The following CNP variants were observed in gnomAD, a reference collection of about 807,000 sequenced individuals.
CNP encodes the protein 2',3'-cyclic nucleotide 3' phosphodiesterase.
CNP carries 8 observed loss-of-function variants against 37.9 expected under a neutral mutation model. The ratio of observed to expected loss-of-function variants is 0.21; its 90% CI spans 0.12 to 0.38. The LOEUF (loss-of-function observed/expected upper bound fraction) is 0.38, where lower values mean the gene tolerates loss of function less well. CNP is among the 10% of genes least tolerant of loss of function. The pLI is 1.00. For synonymous variants in CNP, 237 were observed against 238.3 expected (o/e 0.99, Z 0.05); for missense variants, 457 against 551.0 (o/e 0.83, Z 1.71).
At position 41,968,465 on chromosome 17, in the gene CNP, T is replaced by C; in HGVS notation, c.401T>C (p.Leu134Pro). ...TNHERERLEQ[L>P]FEMADQYQYQ... ...CACGAACGGGAACGGCTGGAGCAGC[T>C]CTTTGAAATGGCCGACCAGTACCAG... The change falls in exon 2 of 4, where the codon CTC (leucine) becomes CCC (proline). Residue 134 changes from leucine (L) to proline (P), a missense_variant. By Grantham distance (98) the Leu-to-Pro change is moderately conservative. Around this residue, in one of 2 missense-constraint regions of CNP, gnomAD observed 166 missense variants for 259.3 expected, o/e 0.64. Coordinates refer to ENST00000393892, the MANE Select transcript of CNP (RefSeq NM_033133.5). The surrounding 1 kb of genome is among the most constrained non-coding windows in gnomAD (Gnocchi z 4.8). 1 of 1,614,094 alleles carries C rather than the reference T, an allele frequency of 6.2e-7. No homozygotes were observed. The highest frequency in any genetic ancestry group is 8.5e-7 in the Non-Finnish European group (1 of 1,180,030).
intron 2 of CNP, 188 bp from the exon 3 acceptor site, chr17:41,971,704 T>A: frequency 1.5e-6 from 1 of 678,642 alleles, no homozygotes; most frequent in Non-Finnish European, 2.4e-6. Context: ...GGCCTGAGAA[T>A]TTTAACTTTT....
Position 41,977,399 on chromosome 17 carries a change from CTG to C in CNP, c.*3476_*3477del. ...AAATGTTCGAAGAGAACTGATGACA[CTG>C]AGAACAGATCTCCAAAGCTTTCCTG... is the stretch of plus-strand genomic sequence containing the variant. On this transcript the variant is annotated 3_prime_UTR_variant, in exon 4 of 4. Coordinates refer to ENST00000393892, the MANE Select transcript of CNP (RefSeq NM_033133.5). The C allele has an allele frequency of 7.6e-7, 1 of 1,320,342 alleles. No homozygotes were observed. Among genetic ancestry groups the C allele is most frequent in the Non-Finnish European group, 1.1e-6 (1 of 939,942 alleles). The allele number at this position is 1,320,342 out of a possible 1,614,324, so 81.8% of individuals were successfully genotyped here. A position where few individuals can be genotyped will look rare whatever the true frequency, so the allele number is the denominator to read the frequency against.
At chr17:41,973,452 C>T (rs1555644141) in intron 3 of CNP, 23 bp from the exon 4 acceptor site, 5 of 1,595,886 alleles carry the variant, frequency 3.1e-6, no homozygotes, top group East Asian at 2.2e-5. Context: ...CTAGCTTGGG[C>T]CCCTCTTTCT....
In CNP at chr17:41,976,478, TA is replaced by T; in HGVS notation, c.*2556del. 1 of 473,848 alleles carries T rather than the reference TA, an allele frequency of 2.1e-6. No homozygotes were observed. Among genetic ancestry groups the T allele is most frequent in the East Asian group, 4.1e-5 (1 of 24,616 alleles). 29.4% of individuals were successfully genotyped at this position (473,848 alleles called of 1,614,324 possible). A position where few individuals can be genotyped will look rare whatever the true frequency, so the allele number is the denominator to read the frequency against. ...TTTATTCTCTTTTTTTTTTCTTTTT[TA>T]ATAAAGTTAAACAGTAAAACAAAAA... On this transcript the variant is annotated 3_prime_UTR_variant, in exon 4 of 4. Transcript: ENST00000393892.
chr17:41,967,769 A>G (rs141436398), intron 1 of CNP: 75 of 1,186,846 alleles, frequency 6.3e-5, no homozygotes, highest in Middle Eastern at 3.5e-4. Context: ...TGCCAAGCAT[A>G]TAAGAGTGAG....
At chr17:41,971,658 A>C (rs1555643821) in intron 2 of CNP, 2 of 360,110 alleles carry the variant, frequency 5.6e-6, no homozygotes, top group Non-Finnish European at 1.0e-5. Context: ...TCGGCCTCCC[A>C]GAGTGCTGGG....
chr17:41,975,929 A>C lies in CNP; in HGVS notation c.*2005A>C, dbSNP rs1447951463. 1 of 152,308 alleles carries C rather than the reference A, an allele frequency of 6.6e-6. No individual in the cohort carries two copies. Among genetic ancestry groups the C allele is most frequent in the Admixed American group, 6.5e-5 (1 of 15,272 alleles). The allele number at this position is 152,308 out of a possible 1,614,324, so 9.4% of individuals were successfully genotyped here. ...ATGCAGAAAGGGAGCAGAGAAGGCC[A>C]GGGGCTTTTGCTAAAAATAGTGGCC... is the stretch of plus-strand genomic sequence containing the variant. On this transcript the variant is annotated 3_prime_UTR_variant, in exon 4 of 4. Transcript: ENST00000393892.
In CNP at chr17:41,977,082, G is replaced by A. The variant is rs1415238195; in HGVS notation, c.*3158G>A. ...GTGGCTAAAGGTCCCAAGGCAAGGG[G>A]TGCCTGGGAACCTTCCTGTCTTCAT... On this transcript the variant is annotated 3_prime_UTR_variant, in exon 4 of 4. Transcript: ENST00000393892. 1.4e-6 allele frequency: 1 copy of A among 705,122 alleles called. No homozygotes were observed. The highest frequency in any genetic ancestry group is 2.4e-6 in the Non-Finnish European group (1 of 423,880). The allele number at this position is 705,122 out of a possible 1,614,324, so 43.7% of individuals were successfully genotyped here.
rs72820845 is a variant in CNP, at chr17:41,968,587, A to G, written c.523A>G (p.Lys175Glu). Residue 175 changes from lysine to glutamate, a missense_variant, in exon 2 of 4, where the codon AAG becomes GAG. Lys to Glu is a moderately conservative substitution (Grantham distance 56). Transcript: ENST00000393892. The surrounding 1 kb of genome is among the most constrained non-coding windows in gnomAD (Gnocchi z 4.8). ...NQWQLSADDL[K>E]KLKPGLEKDF... Reference sequence around the variant, plus strand: ...GTGGCAGCTGTCGGCTGATGACCTGAAGAAGCTGAAGCCTGGGCTGGAGAA... The same window carrying G: ...GTGGCAGCTGTCGGCTGATGACCTGGAGAAGCTGAAGCCTGGGCTGGAGAA... The G allele has an allele frequency of 1.2e-5, 19 of 1,614,068 alleles. No homozygotes were observed. The highest frequency in any genetic ancestry group is 1.7e-5 in the Admixed American group (1 of 60,010).
rs782587919 is a variant in CNP, at chr17:41,973,814, A to G, written c.1156A>G (p.Lys386Glu). 8 of 1,612,282 alleles carry G rather than the reference A, an allele frequency of 5.0e-6. No individual in the cohort carries two copies. The African/African-American group carries it at 9.3e-5, about 19-fold the overall frequency. ...GNGRWMLTLA[K>E]NMEVRAIFTG... ...TGGGCGCTGGATGCTGACCCTGGCCAAGAACATGGAGGTCAGGGCCATCTT... is the reference window on the plus strand; with the variant it reads ...TGGGCGCTGGATGCTGACCCTGGCCGAGAACATGGAGGTCAGGGCCATCTT... The change falls in exon 4 of 4, where the codon AAG becomes GAG. Residue 386 changes from lysine to glutamate, a missense_variant. Lys to Glu is a moderately conservative substitution (Grantham distance 56). Coordinates refer to ENST00000393892, the MANE Select transcript of CNP (RefSeq NM_033133.5).
chr17:41,970,368 G>A (rs1474519882), intron 2 of CNP: 2 of 146,956 alleles, frequency 1.4e-5, no homozygotes, highest in African/African-American at 5.1e-5. Flanking sequence ...AAGATGGGAC[G>A]AATCAAGCTT....
chr17:41,976,495 A>G lies in CNP; in HGVS notation c.*2571A>G, dbSNP rs1255589102. ...TTCTTTTTTAATAAAGTTAAACAGT[A>G]AAACAAAAATTCACAAGCTGCCTCC... is the stretch of plus-strand genomic sequence containing the variant. On this transcript the variant is annotated 3_prime_UTR_variant, in exon 4 of 4. Transcript: ENST00000393892. The G allele has an allele frequency of 1.9e-6, 1 of 517,908 alleles. No homozygotes were observed. Among genetic ancestry groups the G allele is most frequent in the Non-Finnish European group, 3.3e-6 (1 of 299,304 alleles). The allele number at this position is 517,908 out of a possible 1,614,324, so 32.1% of individuals were successfully genotyped here.
intron 2 of CNP, chr17:41,971,277 G>A (rs1358055638): frequency 6.6e-6 from 1 of 152,358 alleles, no homozygotes; most frequent in Non-Finnish European, 1.5e-5. Flanking sequence ...TCCCCTTTGA[G>A]ACGTGGTGCT....
chr17:41,971,743 C>G, intron 2 of CNP, 149 bp from the exon 3 acceptor site: 2 of 1,042,244 alleles, frequency 1.9e-6, no homozygotes, highest in Middle Eastern at 5.3e-4. Context: ...ATTAGTTTGA[C>G]CAACTAACCA....
Position 41,974,610 on chromosome 17 carries a change from T to C in CNP, c.*686T>C, listed in dbSNP as rs2051045692. The C allele has an allele frequency of 6.6e-6, 1 of 152,314 alleles. No homozygotes were observed. Among genetic ancestry groups the C allele is most frequent in the South Asian group, 2.1e-4 (1 of 4,832 alleles). 9.4% of individuals were successfully genotyped at this position (152,314 alleles called of 1,614,324 possible). ...ATTTACCAGGGTAGAAAAAGGAGCT[T>C]ACCTCCCACCTTTGGTCCTAAGTCC... On this transcript the variant is annotated 3_prime_UTR_variant, in exon 4 of 4. Transcript: ENST00000393892.
At chr17:41,967,772 AGAGT>A in intron 1 of CNP, 1 of 1,202,254 alleles carries the variant, frequency 8.3e-7, no homozygotes, top group Non-Finnish European at 1.0e-6. Context: ...CAAGCATATA[AGAGT>A]GAGGCCAGTC....
Position 41,966,832 on chromosome 17 carries a change from G to A in CNP, c.-53G>A, listed in dbSNP as rs569126173. Reference sequence around the variant, plus strand: ...CCGTGTCCCTCCGCGCAGGCGGGCGGCCCCGGAGCGCTGGTGCCGGCAGAG... The same window carrying A: ...CCGTGTCCCTCCGCGCAGGCGGGCGACCCCGGAGCGCTGGTGCCGGCAGAG... On this transcript the variant is annotated 5_prime_UTR_variant, in exon 1 of 4. Transcript: ENST00000393892. 2.9e-6 allele frequency: 4 copies of A among 1,376,592 alleles called. No individual in the cohort carries two copies. The African/African-American group carries it at 4.5e-5, about 16-fold the overall frequency. The allele number at this position is 1,376,592 out of a possible 1,614,324, so 85.3% of individuals were successfully genotyped here. A position where few individuals can be genotyped will look rare whatever the true frequency, so the allele number is the denominator to read the frequency against.
In CNP at chr17:41,976,351, C is replaced by T; in HGVS notation, c.*2427C>T. 1 of 236,598 alleles carries T rather than the reference C, an allele frequency of 4.2e-6. No homozygotes were observed. Among genetic ancestry groups the T allele is most frequent in the Non-Finnish European group, 8.1e-6 (1 of 122,722 alleles). 14.7% of individuals were successfully genotyped at this position (236,598 alleles called of 1,614,324 possible). On this transcript the variant is annotated 3_prime_UTR_variant, in exon 4 of 4. Coordinates refer to ENST00000393892, the MANE Select transcript of CNP (RefSeq NM_033133.5). ...AGGCTGGGTGCCCACAGCCCGCATG[C>T]AGCAGCTTGCTGCACCCCAAGTCCA...
chr17:41,968,798 C>G lies in CNP; in HGVS notation c.676+58C>G. ...CTTGCTGGGCACAGGGTGCTGCGGG[C>G]AAAGGACCATCATTGTACTCAAAGG... On this transcript the variant is annotated intron_variant, in intron 2 of 3. Transcript: ENST00000393892. The surrounding 1 kb of genome is among the most constrained non-coding windows in gnomAD (Gnocchi z 4.8). 2 of 1,510,568 alleles carry G rather than the reference C, an allele frequency of 1.3e-6. No individual in the cohort carries two copies. The highest frequency in any genetic ancestry group is 2.6e-5 in the South Asian group (2 of 76,884). The allele number at this position is 1,510,568 out of a possible 1,614,324, so 93.6% of individuals were successfully genotyped here.
Sources: allele counts gnomAD v4.1 joint callset, GRCh38; gene constraint gnomAD v4.1.1; regional missense constraint gnomAD v4.1.1; non-coding constraint Gnocchi (gnomAD v3.1); transcripts MANE v1.5; gene names NCBI Gene and HGNC (gene_info 2026-07-23, HGNC 2026-07-21).